The following TESK2 variants were observed in gnomAD, a reference collection of about 807,000 sequenced individuals.
TESK2 encodes the protein testis associated actin remodelling kinase 2.
A neutral mutation model predicts 57.1 loss-of-function variants in TESK2; 39 were observed. The observed-to-expected ratio is 0.68, with a 90% confidence interval of 0.53 to 0.89. The LOEUF (loss-of-function observed/expected upper bound fraction) is 0.89. Among genes scored for constraint, TESK2 ranks in the 40% least tolerant of loss-of-function variants. The probability of loss-of-function intolerance (pLI) is 0.00; values close to 1 mark genes in which losing one functional copy is unlikely to be tolerated. For missense variants in TESK2, 646 were observed against 732.1 expected (o/e 0.88, Z 1.36); for synonymous variants, 249 against 267.9 (o/e 0.93, Z 0.69).
At position 45,401,853 on chromosome 1, in the gene TESK2, A is replaced by C. The variant is rs144232953; in HGVS notation, c.345-15893T>G. The stretch of plus-strand genomic sequence containing the variant: ...AATGAAAATCTACCTGGTTTGCTTT[A>C]CAAGCTTTTCTGCTGCCAACGTTGA... On this transcript the variant is annotated intron_variant, in intron 3 of 10. Coordinates refer to ENST00000372086, the MANE Select transcript of TESK2 (RefSeq NM_007170.3). Among the ~76,000 whole-genome samples, 626 of 152,262 alleles carry C rather than the reference A, an allele frequency of 4.1e-3. 3 individuals are homozygous for C. The highest frequency in any genetic ancestry group is 0.015 in the African/African-American group (606 of 41,526).
At chr1:45,468,393 AC>A in intron 1 of TESK2, among the ~76,000 whole-genome samples, 1 of 152,264 alleles carries the variant, frequency 6.6e-6, no homozygotes, top group Non-Finnish European at 1.5e-5. Context: ...TGGCGAGCAA[AC>A]TAAATGACTA....
At chr1:45,368,786 T>C (rs1362642332) in intron 4 of TESK2, among the ~76,000 whole-genome samples, 6 of 151,974 alleles carry the variant, frequency 3.9e-5, no homozygotes, top group Non-Finnish European at 8.8e-5. Flanking sequence ...TTTGTTCTTG[T>C]TGCCCAGGCT....
intron 2 of TESK2, among the ~76,000 whole-genome samples, chr1:45,443,494 C>T (rs1020140665): frequency 4.9e-5 from 7 of 143,310 alleles, no homozygotes; most frequent in Admixed American, 7.4e-5. Flanking sequence ...CGCTTGAACC[C>T]GGAAGGTGGA....
chr1:45,344,878 C>T lies in TESK2; in HGVS notation c.1678G>A (p.Gly560Ser), dbSNP rs764622589. The change falls in exon 11 of 11, where the codon GGC becomes AGC. Residue 560 changes from glycine to serine, a missense_variant. Gly to Ser is a moderately conservative substitution (Grantham distance 56). Transcript: ENST00000372086. ...GSTPATFSTS[G>S]IGLQTQGKQD... ...TTTCCCTGGGTTTGCAGGCCTATGC[C>T]TGAGGTGGAGAAGGTGGCTGGAGTT... 10 of 1,613,554 alleles carry T rather than the reference C, an allele frequency of 6.2e-6. No homozygotes were observed. In the Admixed American group the frequency reaches 8.3e-5, roughly 13 times the overall value.
rs1338573811 is a variant in TESK2, at chr1:45,345,147, G to A, written c.1409C>T (p.Pro470Leu). The A allele has an allele frequency of 8.1e-6, 13 of 1,614,178 alleles. No homozygotes were observed. Among genetic ancestry groups the A allele is most frequent in the Non-Finnish European group, 9.3e-6 (11 of 1,180,038 alleles). The change falls in exon 11 of 11, where the codon CCA becomes CTA. Residue 470 changes from proline to leucine, a missense_variant. Coordinates refer to ENST00000372086, the MANE Select transcript of TESK2 (RefSeq NM_007170.3). ...SPEFLHQEAC[P>L]FVGREESLSD... Reference sequence around the variant, plus strand: ...TAGCGATTCTTCCCGGCCCACAAATGGACAAGCCTCTTGATGCAAGAACTC... The same window carrying A: ...TAGCGATTCTTCCCGGCCCACAAATAGACAAGCCTCTTGATGCAAGAACTC...
chr1:45,451,800 G>A (rs952220000), intron 2 of TESK2, among the ~76,000 whole-genome samples: 2 of 151,992 alleles, frequency 1.3e-5, no homozygotes, highest in East Asian at 1.9e-4. Context: ...TTGGGAGGCC[G>A]AGGCAGGCAG....
chr1:45,392,992 AT>A (rs113282876), intron 3 of TESK2, among the ~76,000 whole-genome samples: 11 of 152,360 alleles, frequency 7.2e-5, no homozygotes, highest in African/African-American at 2.4e-4. Flanking sequence ...CTCGTGTTAC[AT>A]TAAAGAACAT....
At chr1:45,419,204 T>C (rs1195586340) in intron 3 of TESK2, among the ~76,000 whole-genome samples, 1 of 151,982 alleles carries the variant, frequency 6.6e-6, no homozygotes, top group Non-Finnish European at 1.5e-5. Context: ...TCTCGAACTC[T>C]TGACCTTGTG....
At chr1:45,431,107 G>A (rs1771549) in intron 2 of TESK2, among the ~76,000 whole-genome samples, 32,532 of 152,202 alleles carry the variant, frequency 0.21, 3,729 homozygotes, top group Non-Finnish European at 0.26. Flanking sequence ...GAGAGTCTAT[G>A]TTACACAGTG....
intron 1 of TESK2, among the ~76,000 whole-genome samples, chr1:45,459,686 T>A (rs1456132590): frequency 6.6e-6 from 1 of 151,802 alleles, no homozygotes; most frequent in East Asian, 1.9e-4. Context: ...TATGAAAAAA[T>A]GTAAAAACTA....
chr1:45,478,427 G>A (rs1031605348), intron 1 of TESK2, among the ~76,000 whole-genome samples: 1 of 152,120 alleles, frequency 6.6e-6, no homozygotes, highest in Non-Finnish European at 1.5e-5. Flanking sequence ...TTCAAGCTAA[G>A]GGCTTGGACT....
At chr1:45,422,759 T>TTTGTTGTTGTTGTTG (rs140964940) in intron 2 of TESK2, among the ~76,000 whole-genome samples, 117 of 146,992 alleles carry the variant, frequency 8.0e-4, no homozygotes, top group South Asian at 2.0e-3. Flanking sequence ...TGTCTGGTTT[T>TTTGTTGTTGTTGTTG]TTGTTGTTGT....
At chr1:45,380,824 G>A (rs1481883005) in intron 4 of TESK2, among the ~76,000 whole-genome samples, 1 of 152,164 alleles carries the variant, frequency 6.6e-6, no homozygotes, top group Non-Finnish European at 1.5e-5. Context: ...CAATGACCAG[G>A]AAGAAAGTAT....
At chr1:45,408,827 C>G (rs957787729) in intron 3 of TESK2, among the ~76,000 whole-genome samples, 4 of 152,104 alleles carry the variant, frequency 2.6e-5, no homozygotes, top group Admixed American at 1.3e-4. Context: ...CCCATCTCCT[C>G]TTTTAGGTAT....
intron 2 of TESK2, among the ~76,000 whole-genome samples, chr1:45,456,197 AAAAAT>A (rs202094471): frequency 6.7e-5 from 10 of 150,150 alleles, no homozygotes; most frequent in Non-Finnish European, 8.9e-5. Flanking sequence ...CCCTGTCTCA[AAAAAT>A]AAAATAAAAT....
intron 2 of TESK2, among the ~76,000 whole-genome samples, chr1:45,423,173 G>A (rs1557567335): frequency 1.3e-5 from 2 of 152,130 alleles, no homozygotes; most frequent in South Asian, 2.1e-4. Context: ...TGTGCAAAAC[G>A]AAGATATATG....
intron 1 of TESK2, among the ~76,000 whole-genome samples, chr1:45,473,797 ATTT>A (rs35373358): frequency 3.5e-5 from 5 of 143,698 alleles, no homozygotes; most frequent in Non-Finnish European, 6.1e-5. Context: ...ACAATTAGGG[ATTT>A]TTTTTTTTTT....
intron 4 of TESK2, among the ~76,000 whole-genome samples, chr1:45,370,323 C>T (rs2149269804): frequency 6.6e-6 from 1 of 152,252 alleles, no homozygotes; most frequent in South Asian, 2.1e-4. Context: ...TCACCTAAGA[C>T]TTTAATCAAT....
chr1:45,400,939 T>C (rs1393215246), intron 3 of TESK2, among the ~76,000 whole-genome samples: 1 of 151,076 alleles, frequency 6.6e-6, no homozygotes. Flanking sequence ...CAAGAATTGC[T>C]TGAAACCAGG....
Sources: allele counts gnomAD v4.1 joint callset (sites outside exome capture counted in the v4.1 genomes callset), GRCh38; gene constraint gnomAD v4.1.1; transcripts MANE v1.5; gene names NCBI Gene and HGNC (gene_info 2026-07-23, HGNC 2026-07-21).